SLC39A8: variants seen among roughly 807,000 people sequenced by gnomAD.
The protein encoded by SLC39A8 is metal cation symporter ZIP8.
In SLC39A8, 15 loss-of-function variants were observed where a neutral mutation model predicts 40.4. The ratio of observed to expected loss-of-function variants is 0.37; its 90% CI spans 0.25 to 0.57. SLC39A8 has a LOEUF of 0.57. Ranked by LOEUF, SLC39A8 falls within the 20% of genes least tolerant of loss-of-function variation. The pLI, the probability that SLC39A8 is intolerant of heterozygous loss-of-function variation, is 0.75. For missense variants in SLC39A8, 472 were observed against 558.8 expected (o/e 0.84, Z 1.57); for synonymous variants, 223 against 221.6 (o/e 1.01, Z -0.06).
chr4:102,281,634 G>C (rs770857233), intron 6 of SLC39A8, among the ~76,000 whole-genome samples: 1 of 152,062 alleles, frequency 6.6e-6, no homozygotes, highest in Non-Finnish European at 1.5e-5. Flanking sequence ...AGGACCAAGT[G>C]GGGGTGATAA....
intron 2 of SLC39A8, among the ~76,000 whole-genome samples, chr4:102,333,627 T>C (rs890763619): frequency 1.3e-5 from 2 of 152,118 alleles, no homozygotes; most frequent in Admixed American, 6.5e-5. Flanking sequence ...ATGAGTTTTG[T>C]TTGAGACAGG....
chr4:102,334,539 T>G (rs555830145), intron 2 of SLC39A8, among the ~76,000 whole-genome samples: 7 of 152,306 alleles, frequency 4.6e-5, no homozygotes, highest in African/African-American at 1.7e-4. Flanking sequence ...AAAAGACATT[T>G]TTTCCCTCTT....
downstream of SLC39A8, among the ~76,000 whole-genome samples, chr4:102,259,088 G>A (rs886432989): frequency 2.0e-5 from 3 of 152,140 alleles, no homozygotes; most frequent in African/African-American, 7.2e-5. Context: ...GACACCACCC[G>A]CAGTGTCTGT....
downstream of SLC39A8, among the ~76,000 whole-genome samples, chr4:102,258,499 T>A (rs1425187107): frequency 6.6e-6 from 1 of 152,146 alleles, no homozygotes. Flanking sequence ...AAGTCAGTTA[T>A]TGAAAATGTC....
At chr4:102,319,401 G>T (rs1168006588) in intron 2 of SLC39A8, among the ~76,000 whole-genome samples, 1 of 152,126 alleles carries the variant, frequency 6.6e-6, no homozygotes, top group Non-Finnish European at 1.5e-5. Flanking sequence ...CTGCAGTCAG[G>T]CTCCTCTGAG....
At chr4:102,274,027 CA>C (rs1485978426) in intron 6 of SLC39A8, among the ~76,000 whole-genome samples, 5 of 151,942 alleles carry the variant, frequency 3.3e-5, no homozygotes, top group Non-Finnish European at 5.9e-5. Context: ...TTCCAAAAAC[CA>C]GAATGCTTCT....
intron 6 of SLC39A8, among the ~76,000 whole-genome samples, chr4:102,293,913 T>G (rs1188615087): frequency 6.6e-6 from 1 of 151,534 alleles, no homozygotes; most frequent in Admixed American, 6.6e-5. Context: ...GTTTTGTTTT[T>G]TTTTTCCAAA....
chr4:102,314,517 A>G (rs891137876), intron 3 of SLC39A8, among the ~76,000 whole-genome samples: 5 of 152,218 alleles, frequency 3.3e-5, no homozygotes, highest in Middle Eastern at 3.4e-3. Flanking sequence ...ATCTCCCGCC[A>G]GGACATATAT....
At chr4:102,334,083 G>GA (rs1735575049) in intron 2 of SLC39A8, among the ~76,000 whole-genome samples, 2 of 152,138 alleles carry the variant, frequency 1.3e-5, no homozygotes, top group South Asian at 2.1e-4. Flanking sequence ...GGTGGGGACA[G>GA]AAAAAAGCCA....
chr4:102,282,554 T>C (rs1476026302), intron 6 of SLC39A8, among the ~76,000 whole-genome samples: 2 of 152,172 alleles, frequency 1.3e-5, no homozygotes, highest in Non-Finnish European at 2.9e-5. Context: ...GATGTTTTTT[T>C]CCTTTTTGGC....
At chr4:102,284,716 A>C (rs1416701428) in intron 6 of SLC39A8, among the ~76,000 whole-genome samples, 1 of 152,160 alleles carries the variant, frequency 6.6e-6, no homozygotes. Context: ...ACACTATAAA[A>C]ATTACAAAAA....
At chr4:102,270,614 T>C (rs1024110918) in intron 6 of SLC39A8, among the ~76,000 whole-genome samples, 11 of 152,208 alleles carry the variant, frequency 7.2e-5, no homozygotes, top group African/African-American at 2.7e-4. Flanking sequence ...AGGCTATTTC[T>C]ATCCTCAGCC....
chr4:102,336,707 G>A (rs1173594571), intron 2 of SLC39A8, among the ~76,000 whole-genome samples: 8 of 152,078 alleles, frequency 5.3e-5, no homozygotes, highest in South Asian at 2.1e-4. Context: ...AGAAAGAGAC[G>A]GAAGCCAAAT....
intron 6 of SLC39A8, among the ~76,000 whole-genome samples, chr4:102,275,153 T>C (rs1342362843): frequency 6.6e-6 from 1 of 152,134 alleles, no homozygotes; most frequent in Non-Finnish European, 1.5e-5. Flanking sequence ...AGGCACAGAC[T>C]GGCAAATTGG....
intron 2 of SLC39A8, among the ~76,000 whole-genome samples, chr4:102,338,754 C>T (rs908677383): frequency 3.9e-5 from 6 of 152,140 alleles, no homozygotes; most frequent in African/African-American, 7.2e-5. Flanking sequence ...TACTTCGTGA[C>T]GTTGGTCCAG....
chr4:102,302,006 A>T (rs1733945826), intron 6 of SLC39A8, among the ~76,000 whole-genome samples: 1 of 152,016 alleles, frequency 6.6e-6, no homozygotes, highest in African/African-American at 2.4e-5. Context: ...AGGAGAGGTC[A>T]CACTGAGTTT....
chr4:102,317,152 T>C (rs573680253), intron 2 of SLC39A8, among the ~76,000 whole-genome samples: 2 of 152,314 alleles, frequency 1.3e-5, no homozygotes, highest in African/African-American at 4.8e-5. Context: ...TGATGTTAAT[T>C]GTTTGACCAT....
chr4:102,340,189 C>T (rs1735882694), intron 2 of SLC39A8, among the ~76,000 whole-genome samples: 1 of 152,090 alleles, frequency 6.6e-6, no homozygotes, highest in Non-Finnish European at 1.5e-5. Context: ...TGTTATAAAC[C>T]AGGCACTACA....
At position 102,344,476 on chromosome 4, in the gene SLC39A8, C is replaced by A. The variant is rs756991670; in HGVS notation, c.187G>T (p.Val63Phe). The A allele has an allele frequency of 6.5e-7, 1 of 1,547,326 alleles. No individual in the cohort carries two copies. The highest frequency in any genetic ancestry group is 8.7e-7 in the Non-Finnish European group (1 of 1,146,190). ...AAGTGCAGCTGGCCAGGCTCCGGGA[C>A]GCCCACGCGGGAGGCGGCTCCCATC... ...EQMGAASRVG[V>F]PEPGQLHFNQ... is the part of the protein sequence containing the mutation. The change falls in exon 2 of 9, where the codon GTC (valine) becomes TTC (phenylalanine). Residue 63 changes from valine to phenylalanine, a missense_variant. Transcript: ENST00000356736.
Sources: allele counts gnomAD v4.1 joint callset (sites outside exome capture counted in the v4.1 genomes callset), GRCh38; gene constraint gnomAD v4.1.1; transcripts MANE v1.5; gene names NCBI Gene and HGNC (gene_info 2026-07-23, HGNC 2026-07-21).